Variants in ABCC4 observed in about 807,000 individuals in gnomAD.
ABCC4 encodes the protein ATP-binding cassette sub-family C member 4.
In ABCC4, 102 loss-of-function variants were observed where a neutral mutation model predicts 168.5. That is an observed-to-expected ratio of 0.61 (90% CI 0.52 to 0.71). The LOEUF (loss-of-function observed/expected upper bound fraction) is 0.71. Among genes scored for constraint, ABCC4 ranks in the 30% least tolerant of loss-of-function variants. The probability of loss-of-function intolerance (pLI) is 0.00; values close to 1 mark genes in which losing one functional copy is unlikely to be tolerated. For missense variants in ABCC4, 1,402 were observed against 1,605.8 expected (o/e 0.87, Z 2.17); for synonymous variants, 617 against 590.7 (o/e 1.04, Z -0.65).
intron 5 of ABCC4, among the ~76,000 whole-genome samples, chr13:95,210,399 G>A (rs564010012): frequency 2.6e-5 from 4 of 152,346 alleles, no homozygotes; most frequent in Non-Finnish European, 4.4e-5. Context: ...TGTGTGAGAT[G>A]TGCCACCCTT....
At chr13:95,044,490 T>C (rs1396775163) in intron 27 of ABCC4, 52 bp from the exon 28 acceptor site, 3 of 1,520,288 alleles carry the variant, frequency 2.0e-6, no homozygotes, top group Admixed American at 1.9e-5. Context: ...GCTATGGAAG[T>C]AGTCAAGCCT....
chr13:95,090,029 C>T (rs1387095287), intron 20 of ABCC4, among the ~76,000 whole-genome samples: 1 of 152,106 alleles, frequency 6.6e-6, no homozygotes, highest in Admixed American at 6.5e-5. Flanking sequence ...AACAAACCAG[C>T]AATCCCAAGA....
Position 95,073,284 on chromosome 13 carries a change from C to T in ABCC4, c.2938G>A (p.Gly980Ser), listed in dbSNP as rs1324040871. Residue 980 changes from glycine to serine, a missense_variant, in exon 24 of 31, where the codon GGT becomes AGT. Physicochemically the swap from Gly to Ser is moderately conservative, Grantham distance 56 (BLOSUM62 0). Transcript: ENST00000645237. ...LAKTLDAGQV[G>S]LALSYALTLM... ...GTGAGGGCATAGGACAGTGCCAAACCAACCTGCCCGGCATCCAGAGCTACG... is the reference window on the plus strand; with the variant it reads ...GTGAGGGCATAGGACAGTGCCAAACTAACCTGCCCGGCATCCAGAGCTACG... 1 of 1,613,402 alleles carries T rather than the reference C, an allele frequency of 6.2e-7. No homozygotes were observed. The highest frequency in any genetic ancestry group is 8.5e-7 in the Non-Finnish European group (1 of 1,179,644).
chr13:95,025,312 C>CCA (rs1171734150), intron 30 of ABCC4, among the ~76,000 whole-genome samples: 1 of 35,712 alleles, frequency 2.8e-5, no homozygotes, highest in East Asian at 1.1e-3. Flanking sequence ...CGCCCACCCC[C>CCA]CACACACACC....
At chr13:95,175,000 C>G (rs1397206933) in intron 13 of ABCC4, among the ~76,000 whole-genome samples, 1 of 152,206 alleles carries the variant, frequency 6.6e-6, no homozygotes, top group African/African-American at 2.4e-5. Context: ...TAAGTACATA[C>G]ACACCATTGT....
intron 8 of ABCC4, among the ~76,000 whole-genome samples, chr13:95,200,081 C>T (rs917477181): frequency 6.6e-6 from 1 of 152,086 alleles, no homozygotes; most frequent in African/African-American, 2.4e-5. Flanking sequence ...TTTATTAACC[C>T]CCACTTGATG....
intron 20 of ABCC4, among the ~76,000 whole-genome samples, chr13:95,101,929 C>T (rs568745453): frequency 1.4e-4 from 21 of 152,162 alleles, no homozygotes; most frequent in Non-Finnish European, 2.6e-4. Context: ...ATTTAGTGAG[C>T]TTAGATGTTA....
At chr13:95,163,462 C>T (rs2037164461) in intron 17 of ABCC4, 148 bp downstream of exon 17, 2 of 773,820 alleles carry the variant, frequency 2.6e-6, no homozygotes, top group South Asian at 1.8e-5. Context: ...GTTTACACTC[C>T]ACCAGCAAGC....
At chr13:95,225,671 AAAAATAAAT>A (rs2039443229) in intron 4 of ABCC4, among the ~76,000 whole-genome samples, 2 of 152,236 alleles carry the variant, frequency 1.3e-5, no homozygotes, top group African/African-American at 4.8e-5. Context: ...GTCTGTCTCA[AAAAATAAAT>A]AAAATAAATA....
rs772348869 is a variant in ABCC4, at chr13:95,115,957, C to A, written c.2500G>T (p.Asp834Tyr). Residue 834 changes from aspartate to tyrosine, a missense_variant, in exon 20 of 31, where the codon GAT becomes TAT. This residue lies in a region of ABCC4 where 1,007 missense variants were observed against 1,127.3 expected (regional missense o/e 0.89). Coordinates refer to ENST00000645237, the MANE Select transcript of ABCC4 (RefSeq NM_005845.5). ...TCTAAAAACGTCAGCGGCAGCAAAT[C>A]ATCCAAGTGTCCAATGTCTTTGGAG... Reference protein sequence around the residue: ...RFSKDIGHLDDLLPLTFLDFI... With the variant: ...RFSKDIGHLDYLLPLTFLDFI... The A allele has an allele frequency of 4.3e-5, 69 of 1,613,388 alleles. No individual in the cohort carries two copies. The highest frequency in any genetic ancestry group is 5.1e-5 in the Non-Finnish European group (60 of 1,179,870).
intron 20 of ABCC4, among the ~76,000 whole-genome samples, chr13:95,111,175 TG>T (rs2035192670): frequency 6.6e-6 from 1 of 152,228 alleles, no homozygotes; most frequent in Admixed American, 6.5e-5. Flanking sequence ...CAATTCTTTA[TG>T]AAAACAAGAT....
intron 5 of ABCC4, among the ~76,000 whole-genome samples, chr13:95,209,858 A>G (rs915572752): frequency 3.3e-5 from 5 of 152,246 alleles, no homozygotes; most frequent in Non-Finnish European, 7.3e-5. Context: ...GACTATCTTC[A>G]CTGATGAGCT....
chr13:95,171,125 C>CA (rs953313433), intron 13 of ABCC4, among the ~76,000 whole-genome samples: 1 of 140,126 alleles, frequency 7.1e-6, no homozygotes, highest in African/African-American at 2.7e-5. Flanking sequence ...GACTCTTCTT[C>CA]AAAAATAATA....
chr13:95,166,215 A>G lies in ABCC4; in HGVS notation c.1977T>C (p.Val659=). 6.2e-7 allele frequency: 1 copy of G among 1,614,154 alleles called. No individual in the cohort carries two copies. The highest frequency in any genetic ancestry group is 8.5e-7 in the Non-Finnish European group (1 of 1,180,010). ...AGGGTCTAGAAGATTGTTGAGACCA[A>G]ACCGAAGACTCTGAGAAGGTACGAT... The part of the protein sequence containing the change: ...LRNRTFSESS[V]WSQQSSRPSL... Residue 659 remains valine (V), a synonymous_variant, in exon 15 of 31, where the codon GTT becomes GTC. Coordinates refer to ENST00000645237, the MANE Select transcript of ABCC4 (RefSeq NM_005845.5).
At chr13:95,235,491 C>T (rs547591332) in intron 3 of ABCC4, among the ~76,000 whole-genome samples, 1 of 152,130 alleles carries the variant, frequency 6.6e-6, no homozygotes, top group Non-Finnish European at 1.5e-5. Flanking sequence ...CAAACAGACA[C>T]CCCAGCTCTC....
chr13:95,239,628 C>T (rs568988136), intron 3 of ABCC4, among the ~76,000 whole-genome samples: 1 of 152,240 alleles, frequency 6.6e-6, no homozygotes, highest in Non-Finnish European at 1.5e-5. Flanking sequence ...CTGTAATGAA[C>T]AGCACATCAG....
chr13:95,091,281 C>G (rs557646666), intron 20 of ABCC4, among the ~76,000 whole-genome samples: 9 of 152,202 alleles, frequency 5.9e-5, no homozygotes, highest in Non-Finnish European at 1.3e-4. Flanking sequence ...CATCCAAATA[C>G]AAGAAGCACA....
intron 29 of ABCC4, among the ~76,000 whole-genome samples, chr13:95,040,292 C>T (rs997032607): frequency 1.3e-4 from 20 of 152,244 alleles, no homozygotes; most frequent in Non-Finnish European, 2.1e-4. Flanking sequence ...AGTGCAGTGG[C>T]GCGATCTCGG....
rs549966251 is a variant in ABCC4 at position 95,292,551 on chromosome 13, C to T, written c.74+8690G>A. ...CTTTGCTTCATTAAATTCTGTAATG[C>T]TTTTCTTAGAAGTAAGTAAACACAA... On this transcript the variant is annotated intron_variant, in intron 1 of 30. Transcript: ENST00000645237. Among the ~76,000 whole-genome samples, 7 of 152,290 alleles carry T rather than the reference C, an allele frequency of 4.6e-5. No homozygotes were observed. In the South Asian group the frequency reaches 1.5e-3, roughly 32 times the overall value.
Sources: gnomAD v4.1 joint callset for allele counts (sites outside exome capture counted in the v4.1 genomes callset) on GRCh38, gnomAD v4.1.1 for gene constraint, gnomAD v4.1.1 regional missense constraint, MANE v1.5 for transcripts, NCBI Gene and HGNC (gene_info 2026-07-23, HGNC 2026-07-21) for gene names.